FAM107B: variants seen among roughly 807,000 people sequenced by gnomAD.
FAM107B encodes family with sequence similarity 107 member B, also known as protein FAM107B.
In FAM107B, 21 loss-of-function variants were observed where a neutral mutation model predicts 31.5. The ratio of observed to expected loss-of-function variants is 0.67; its 90% CI spans 0.47 to 0.96. The LOEUF (loss-of-function observed/expected upper bound fraction) is 0.96, where lower values mean the gene tolerates loss of function less well. Among genes scored for constraint, FAM107B ranks in the 40% least tolerant of loss-of-function variants. The pLI is 0.00. For synonymous variants in FAM107B, 157 were observed against 141.5 expected (o/e 1.11, Z -0.78); for missense variants, 452 against 377.1 (o/e 1.20, Z -1.64).
intron 2 of FAM107B, among the ~76,000 whole-genome samples, chr10:14,650,769 C>T (rs1427954892): frequency 6.6e-6 from 1 of 152,140 alleles, no homozygotes; most frequent in Non-Finnish European, 1.5e-5. Context: ...CATTAGCTTT[C>T]TTTCTATTTT....
intron 1 of FAM107B, among the ~76,000 whole-genome samples, chr10:14,771,714 G>A (rs1312316375): frequency 3.9e-5 from 6 of 152,170 alleles, no homozygotes; most frequent in South Asian, 2.1e-4. Flanking sequence ...ATGAACCTTC[G>A]TTATGTTGCC....
intron 1 of FAM107B, among the ~76,000 whole-genome samples, chr10:14,674,598 C>A (rs1177166028): frequency 6.6e-6 from 1 of 152,218 alleles, no homozygotes; most frequent in Non-Finnish European, 1.5e-5. Flanking sequence ...AGCGTGAGTA[C>A]AAACTCCTCC....
In FAM107B at chr10:14,628,622, T is replaced by A. The variant is rs1853239021; in HGVS notation, c.469+39012A>T. 2.0e-5 allele frequency among the ~76,000 whole-genome samples: 3 copies of A among 152,342 alleles called. No homozygotes were observed. The South Asian group carries it at 6.2e-4, about 32-fold the overall frequency. On this transcript the variant is annotated intron_variant, in intron 2 of 4. Transcript: ENST00000181796. ...AAATATATTTTAACCCCAGGCAAGG[T>A]TAGATCCGAGTCAAGTCTAAAGATG... is the stretch of plus-strand genomic sequence containing the variant.
At chr10:14,529,396 A>G (rs1342734376) in intron 3 of FAM107B, 1 of 152,208 alleles carries the variant, frequency 6.6e-6, no homozygotes, top group Non-Finnish European at 1.5e-5. Context: ...GATAGATAGG[A>G]GTCATTTTTT....
chr10:14,590,472 T>C (rs1352917178), intron 2 of FAM107B, among the ~76,000 whole-genome samples: 1 of 152,242 alleles, frequency 6.6e-6, no homozygotes, highest in Non-Finnish European at 1.5e-5. Flanking sequence ...ATTTCCATTC[T>C]GGTAGCCTTC....
At chr10:14,632,223 A>T (rs1192324378) in intron 2 of FAM107B, among the ~76,000 whole-genome samples, 5 of 147,898 alleles carry the variant, frequency 3.4e-5, no homozygotes, top group Non-Finnish European at 7.4e-5. Flanking sequence ...ACTTGAACCC[A>T]GAAGGCAGAG....
At chr10:14,581,685 G>C (rs1289806519) in intron 2 of FAM107B, among the ~76,000 whole-genome samples, 1 of 152,194 alleles carries the variant, frequency 6.6e-6, no homozygotes, top group Non-Finnish European at 1.5e-5. Flanking sequence ...ATGACTGTTT[G>C]AGGTCAAGAG....
chr10:14,704,559 G>A (rs1855477987), intron 1 of FAM107B, among the ~76,000 whole-genome samples: 1 of 151,906 alleles, frequency 6.6e-6, no homozygotes, highest in Non-Finnish European at 1.5e-5. Flanking sequence ...AGTTCAAGAT[G>A]GTTAAAAATT....
chr10:14,767,115 G>C lies in FAM107B; in HGVS notation c.411+7138C>G, dbSNP rs1833198156. Among the ~76,000 whole-genome samples, 3 of 135,964 alleles carry C rather than the reference G, an allele frequency of 2.2e-5. No individual in the cohort carries two copies. In the South Asian group the frequency reaches 7.5e-4, roughly 34 times the overall value. The allele number at this position is 135,964 out of a possible 152,430, so 89.2% of individuals were successfully genotyped here. The stretch of plus-strand genomic sequence containing the variant: ...AGAGAGAGAGACAGAGAGAGAGAGA[G>C]AGAGAGTTTCCCTCTGTCGCCCAGG... On this transcript the variant is annotated intron_variant, in intron 1 of 4. Transcript: ENST00000181796.
At chr10:14,603,705 G>A (rs899492838) in intron 2 of FAM107B, among the ~76,000 whole-genome samples, 1 of 152,236 alleles carries the variant, frequency 6.6e-6, no homozygotes, top group Non-Finnish European at 1.5e-5. Context: ...AGGGGAGAAA[G>A]AGAAGAGGCA....
At chr10:14,672,544 T>C (rs1336274703) in intron 1 of FAM107B, among the ~76,000 whole-genome samples, 1 of 152,234 alleles carries the variant, frequency 6.6e-6, no homozygotes, top group Non-Finnish European at 1.5e-5. Context: ...TTTCTAAACA[T>C]AGAAAAGGTA....
chr10:14,572,621 G>A (rs1390950898), intron 2 of FAM107B, among the ~76,000 whole-genome samples: 2 of 150,936 alleles, frequency 1.3e-5, no homozygotes, highest in Non-Finnish European at 2.9e-5. Context: ...CTACTCCAGA[G>A]GATCGCTTGT....
chr10:14,705,023 CAA>C (rs57922026), intron 1 of FAM107B, among the ~76,000 whole-genome samples: 4 of 87,904 alleles, frequency 4.6e-5, no homozygotes, highest in South Asian at 4.3e-4. Flanking sequence ...GACCCTGTCA[CAA>C]AAAAAAAAAA....
intron 2 of FAM107B, among the ~76,000 whole-genome samples, chr10:14,592,245 AC>A (rs1175478377): frequency 1.3e-5 from 2 of 152,134 alleles, no homozygotes; most frequent in African/African-American, 4.8e-5. Flanking sequence ...GGACCAAGAA[AC>A]CCTCAGGTAA....
chr10:14,584,109 A>C (rs1303968128), intron 2 of FAM107B, among the ~76,000 whole-genome samples: 1 of 152,222 alleles, frequency 6.6e-6, no homozygotes, highest in Non-Finnish European at 1.5e-5. Context: ...GGAGGGACCA[A>C]GCAAGACAGG....
At chr10:14,609,415 G>C (rs1852672750) in intron 2 of FAM107B, among the ~76,000 whole-genome samples, 1 of 152,230 alleles carries the variant, frequency 6.6e-6, no homozygotes, top group South Asian at 2.1e-4. Context: ...GTTCTTTGTG[G>C]TTATAGGACT....
At chr10:14,575,387 G>C (rs901413103) in intron 2 of FAM107B, among the ~76,000 whole-genome samples, 3 of 152,084 alleles carry the variant, frequency 2.0e-5, no homozygotes, top group African/African-American at 7.2e-5. Context: ...ATTTTTAGTA[G>C]AGAAGGCATT....
At chr10:14,580,870 T>G (rs1225662730) in intron 2 of FAM107B, among the ~76,000 whole-genome samples, 1 of 152,200 alleles carries the variant, frequency 6.6e-6, no homozygotes, top group East Asian at 1.9e-4. Context: ...AGAACGTTCT[T>G]CCCAGAGATC....
At chr10:14,587,066 A>G (rs1464501024) in intron 2 of FAM107B, among the ~76,000 whole-genome samples, 1 of 152,180 alleles carries the variant, frequency 6.6e-6, no homozygotes, top group African/African-American at 2.4e-5. Flanking sequence ...GGGAGCAGAC[A>G]CTAACCTCTG....
Sources: gnomAD v4.1 joint callset for allele counts (sites outside exome capture counted in the v4.1 genomes callset) on GRCh38, gnomAD v4.1.1 for gene constraint, MANE v1.5 for transcripts, NCBI Gene and HGNC (gene_info 2026-07-23, HGNC 2026-07-21) for gene names.